Variants in CRIM1 observed in about 807,000 individuals in gnomAD.
CRIM1 encodes the protein cysteine-rich motor neuron 1 protein.
Under a neutral mutation model 116.4 loss-of-function variants are expected in CRIM1, and 32 were observed. The ratio of observed to expected loss-of-function variants is 0.27; its 90% CI spans 0.21 to 0.37. The LOEUF (loss-of-function observed/expected upper bound fraction) is 0.37. CRIM1 is among the 10% of genes least tolerant of loss of function. The probability of loss-of-function intolerance (pLI) is 1.00; values close to 1 mark genes in which losing one functional copy is unlikely to be tolerated. For synonymous variants in CRIM1, 590 were observed against 509.2 expected (o/e 1.16, Z -2.13); for missense variants, 1,331 against 1,354.8 (o/e 0.98, Z 0.28).
At chr2:36,367,379 G>A (rs1293226787) in intron 1 of CRIM1, among the ~76,000 whole-genome samples, 1 of 152,164 alleles carries the variant, frequency 6.6e-6, no homozygotes, top group African/African-American at 2.4e-5. Context: ...ATTCTTGTAT[G>A]TGATAACATG....
intron 8 of CRIM1, among the ~76,000 whole-genome samples, chr2:36,501,770 A>G (rs58428593): frequency 0.057 from 8,626 of 150,910 alleles, 790 homozygotes; most frequent in African/African-American, 0.2. Context: ...TGTAGTTACT[A>G]CCATCTTTAA....
intron 5 of CRIM1, among the ~76,000 whole-genome samples, chr2:36,469,765 A>G (rs988171083): frequency 1.3e-5 from 2 of 152,222 alleles, no homozygotes; most frequent in Non-Finnish European, 2.9e-5. Context: ...ATATTCTGGC[A>G]CTTTGAGAGC....
rs1476525155 is a variant in CRIM1, at chr2:36,454,974, C to T, written c.870-9560C>T. On this transcript the variant is annotated intron_variant, in intron 4 of 16. Transcript: ENST00000280527. The stretch of plus-strand genomic sequence containing the variant: ...GAAGATGGTGGTTCAAGTGAAACAC[C>T]GTGGGTTTTGGGCTCCGTTGTTAAA... Among the ~76,000 whole-genome samples, 8 of 152,056 alleles carry T rather than the reference C, an allele frequency of 5.3e-5. No individual in the cohort carries two copies. In the East Asian group the frequency reaches 5.8e-4, roughly 11 times the overall value.
intron 1 of CRIM1, among the ~76,000 whole-genome samples, chr2:36,384,768 G>A (rs1182265128): frequency 6.6e-6 from 1 of 152,160 alleles, no homozygotes; most frequent in Admixed American, 6.5e-5. Flanking sequence ...TTTAAAATCA[G>A]TGGATCAGGC....
chr2:36,547,041 C>G lies in CRIM1; in HGVS notation c.2804C>G (p.Ser935Cys), dbSNP rs1397047985. The G allele has an allele frequency of 3.7e-6, 6 of 1,612,572 alleles. No homozygotes were observed. The highest frequency in any genetic ancestry group is 1.1e-5 in the South Asian group (1 of 91,034). ...RDNRLHPSED[S>C]SLDSIASVVV... ...AACAGGCTGCACCCAAGTGAAGATT[C>G]TTCACTGGACTCCATTGCCTCAGTT... The change falls in exon 16 of 17, where the codon TCT (serine) becomes TGT (cysteine). Residue 935 changes from serine to cysteine, a missense_variant. Physicochemically the swap from Ser to Cys is moderately radical, Grantham distance 112 (BLOSUM62 -1). Coordinates refer to ENST00000280527, the MANE Select transcript of CRIM1 (RefSeq NM_016441.3).
rs1667604739 is a variant in CRIM1, at chr2:36,549,588, G to A, written c.*887G>A. 1 of 152,154 alleles carries A rather than the reference G, an allele frequency of 6.6e-6. No individual in the cohort carries two copies. Among genetic ancestry groups the A allele is most frequent in the Non-Finnish European group, 1.5e-5 (1 of 67,916 alleles). The allele number at this position is 152,154 out of a possible 1,614,324, so 9.4% of individuals were successfully genotyped here. ...GCTTTGTTCTGTTATATTGTTGGTT[G>A]TTCATAGTTTTTGTTGAAGCTCTAG... On this transcript the variant is annotated 3_prime_UTR_variant, in exon 17 of 17. Coordinates refer to ENST00000280527, the MANE Select transcript of CRIM1 (RefSeq NM_016441.3).
intron 1 of CRIM1, among the ~76,000 whole-genome samples, chr2:36,363,848 C>A (rs867087008): frequency 6.6e-6 from 1 of 152,134 alleles, no homozygotes; most frequent in Non-Finnish European, 1.5e-5. Context: ...CAGCTCGACG[C>A]CATGGGGGCT....
chr2:36,465,664 C>G (rs957655237), intron 5 of CRIM1, among the ~76,000 whole-genome samples: 2 of 152,086 alleles, frequency 1.3e-5, no homozygotes, highest in African/African-American at 4.8e-5. Flanking sequence ...GAAACACTTG[C>G]AGTATGGCTT....
At chr2:36,545,761 A>T (rs1421596291) in intron 15 of CRIM1, among the ~76,000 whole-genome samples, 1 of 152,008 alleles carries the variant, frequency 6.6e-6, no homozygotes, top group Non-Finnish European at 1.5e-5. Flanking sequence ...TCCTTAATTT[A>T]TATCTTATTC....
intron 8 of CRIM1, 135 bp downstream of exon 8, chr2:36,499,482 A>G: frequency 1.2e-6 from 1 of 842,274 alleles, no homozygotes; most frequent in Non-Finnish European, 1.9e-6. Context: ...GAAAAAAGTT[A>G]TTTTTAACAC....
chr2:36,382,617 C>T (rs1450027484), intron 1 of CRIM1, among the ~76,000 whole-genome samples: 1 of 152,222 alleles, frequency 6.6e-6, no homozygotes, highest in Non-Finnish European at 1.5e-5. Context: ...CCCAGGTGTG[C>T]AGCATCCCTT....
chr2:36,479,823 C>A, intron 7 of CRIM1, 129 bp downstream of exon 7: 1 of 815,748 alleles, frequency 1.2e-6, no homozygotes, highest in Non-Finnish European at 2.0e-6. Flanking sequence ...CAGTTGCCAA[C>A]AAATTTATCA....
intron 14 of CRIM1, among the ~76,000 whole-genome samples, chr2:36,539,404 G>T (rs969807220): frequency 1.3e-5 from 2 of 152,156 alleles, no homozygotes; most frequent in Non-Finnish European, 2.9e-5. Context: ...GTAAGAGGTG[G>T]GGCAGAGAGG....
intron 5 of CRIM1, among the ~76,000 whole-genome samples, chr2:36,469,052 G>T (rs1678279514): frequency 6.6e-6 from 1 of 152,156 alleles, no homozygotes; most frequent in South Asian, 2.1e-4. Flanking sequence ...TAGCCTTACG[G>T]TATTTAATAC....
At chr2:36,366,568 G>A (rs1669617450) in intron 1 of CRIM1, among the ~76,000 whole-genome samples, 1 of 152,060 alleles carries the variant, frequency 6.6e-6, no homozygotes, top group Admixed American at 6.5e-5. Flanking sequence ...GTAGATGGTG[G>A]TCCATAGGCT....
At chr2:36,503,974 G>T (rs908145252) in intron 8 of CRIM1, among the ~76,000 whole-genome samples, 1 of 151,886 alleles carries the variant, frequency 6.6e-6, no homozygotes, top group Non-Finnish European at 1.5e-5. Context: ...AGGCTCAAGC[G>T]ATCCTCCCAC....
chr2:36,546,083 G>GTCACT (rs1553337817), intron 15 of CRIM1, among the ~76,000 whole-genome samples: 2 of 152,088 alleles, frequency 1.3e-5, no homozygotes. Flanking sequence ...ACAAAGCTCT[G>GTCACT]TCACTTCATG....
chr2:36,542,549 C>A (rs1167863257), intron 14 of CRIM1, among the ~76,000 whole-genome samples: 2 of 152,210 alleles, frequency 1.3e-5, no homozygotes, highest in African/African-American at 4.8e-5. Context: ...AGCTCTGGGG[C>A]CTCTGCAGAA....
At chr2:36,452,399 C>G (rs1222610875) in intron 4 of CRIM1, among the ~76,000 whole-genome samples, 1 of 152,074 alleles carries the variant, frequency 6.6e-6, no homozygotes, top group Non-Finnish European at 1.5e-5. Flanking sequence ...AAGAAAAGAA[C>G]ATCTATTCTG....
Sources: allele counts gnomAD v4.1 joint callset (sites outside exome capture counted in the v4.1 genomes callset), GRCh38; gene constraint gnomAD v4.1.1; transcripts MANE v1.5; gene names NCBI Gene and HGNC (gene_info 2026-07-23, HGNC 2026-07-21).